PIAS3: variants seen among roughly 807,000 people sequenced by gnomAD.
PIAS3 encodes the protein E3 SUMO-protein ligase PIAS3.
In PIAS3, 34 loss-of-function variants were observed where a neutral mutation model predicts 67.6. The observed-to-expected ratio is 0.50, with a 90% confidence interval of 0.38 to 0.67. PIAS3 has a LOEUF of 0.67. Ranked by LOEUF, PIAS3 falls within the 30% of genes least tolerant of loss-of-function variation. PIAS3 has a pLI of 0.00. For missense variants in PIAS3, 693 were observed against 791.6 expected, an observed-to-expected ratio of 0.88 and a Z score of 1.49; for synonymous variants, 341 against 313.8, an observed-to-expected ratio of 1.09 and a Z score of -0.92.
intron 9 of PIAS3, 148 bp downstream of exon 9, chr1:145,853,356 G>A: frequency 1.8e-6 from 1 of 566,704 alleles, no homozygotes; most frequent in Non-Finnish European, 2.9e-6. Flanking sequence ...GTTGCAGTGA[G>A]CCAAGATTGT....
intron 8 of PIAS3, 43 bp downstream of exon 8, chr1:145,853,770 C>A: frequency 6.2e-7 from 1 of 1,609,584 alleles, no homozygotes; most frequent in South Asian, 1.1e-5. Context: ...CAGGCTAAAC[C>A]CAACTCCCTT....
chr1:145,853,973 G>T, intron 7 of PIAS3, 87 bp from the exon 8 acceptor site: 9 of 1,146,668 alleles, frequency 7.8e-6, no homozygotes, highest in Admixed American at 1.8e-5. Flanking sequence ...GATGGCTCTG[G>T]CTGAGAGGCT....
At chr1:145,854,062 G>A (rs921600615) in intron 7 of PIAS3, 176 bp from the exon 8 acceptor site, 1 of 612,246 alleles carries the variant, frequency 1.6e-6, no homozygotes, top group Non-Finnish European at 2.9e-6. Context: ...GGCTGGGTGT[G>A]GGGGATTTTC....
chr1:145,849,790 G>A (rs782792478), intron 13 of PIAS3, 78 bp from the exon 14 acceptor site: 49 of 1,504,510 alleles, frequency 3.3e-5, no homozygotes, highest in Admixed American at 3.0e-4. Flanking sequence ...CAGAAATGCC[G>A]TATGAGAGCA....
chr1:145,852,346 CA>C (rs1309901273), intron 9 of PIAS3, among the ~76,000 whole-genome samples: 3 of 152,136 alleles, frequency 2.0e-5, no homozygotes, highest in African/African-American at 7.2e-5. Flanking sequence ...CTAGCAAGAT[CA>C]AAAGATTAGA....
intron 1 of PIAS3, chr1:145,857,214 A>G: frequency 1.7e-6 from 1 of 585,586 alleles, no homozygotes. Context: ...GGTCAGCATC[A>G]TCACCACCAC....
intron 7 of PIAS3, 102 bp downstream of exon 7, chr1:145,854,356 G>A: frequency 3.8e-6 from 3 of 782,314 alleles, no homozygotes; most frequent in Non-Finnish European, 6.6e-6. Flanking sequence ...GAGAAGGGGA[G>A]TAAGTTGTCA....
At position 145,851,145 on chromosome 1, in the gene PIAS3, A is replaced by G; in HGVS notation, c.1154T>C (p.Met385Thr). 6.2e-7 allele frequency: 1 copy of G among 1,612,640 alleles called. No homozygotes were observed. Among genetic ancestry groups the G allele is most frequent in the Non-Finnish European group, 8.5e-7 (1 of 1,178,656 alleles). ...YESLIIDGLF[M>T]EILSSCSDCD... Reference sequence around the variant, plus strand: ...ATCTGAACAGGAACTAAGAATCTCCATAAATAAACTGGGGGAAGAGAGAGA... The same window carrying G: ...ATCTGAACAGGAACTAAGAATCTCCGTAAATAAACTGGGGGAAGAGAGAGA... Residue 385 changes from methionine (M) to threonine (T), a missense_variant, in exon 10 of 14, where the codon ATG becomes ACG. Physicochemically the swap from Met to Thr is moderately conservative, Grantham distance 81. Coordinates refer to ENST00000393045, the MANE Select transcript of PIAS3 (RefSeq NM_006099.3).
chr1:145,850,757 C>G lies in PIAS3; in HGVS notation c.1448+14G>C. On this transcript the variant is annotated intron_variant, in intron 11 of 13. Coordinates refer to ENST00000393045, the MANE Select transcript of PIAS3 (RefSeq NM_006099.3). ...CTGTCCGTTTTGCTGTAGACTCAGC[C>G]TATTTTCTCATACCCTTTGCTTCCA... 6.2e-7 allele frequency: 1 copy of G among 1,613,796 alleles called. No homozygotes were observed. The highest frequency in any genetic ancestry group is 8.5e-7 in the Non-Finnish European group (1 of 1,179,796).
intron 12 of PIAS3, 42 bp from the exon 13 acceptor site, chr1:145,850,311 C>G (rs782111251): frequency 1.9e-6 from 3 of 1,613,922 alleles, no homozygotes; most frequent in African/African-American, 1.3e-5. Context: ...CCTATCTGAC[C>G]CCTTTACCAC....
chr1:145,855,620 A>G, intron 5 of PIAS3, 116 bp downstream of exon 5: 1 of 680,966 alleles, frequency 1.5e-6, no homozygotes. Flanking sequence ...TAAACTGAGC[A>G]CCTACTATGT....
chr1:145,855,607 C>A, intron 5 of PIAS3, 129 bp downstream of exon 5: 1 of 666,652 alleles, frequency 1.5e-6, no homozygotes, highest in South Asian at 1.8e-5. Flanking sequence ...TTGATTCAGT[C>A]AGTAAACTGA....
Position 145,858,962 on chromosome 1 carries a change from G to A in PIAS3, c.24+5C>T, listed in dbSNP as rs1386492438. ...CAGATGGGGATGGGGGGAGGGGGCCGGTACCTTTAATTCGCCCAGCTCCGC... is the reference window on the plus strand; with the variant it reads ...CAGATGGGGATGGGGGGAGGGGGCCAGTACCTTTAATTCGCCCAGCTCCGC... On this transcript the variant is annotated splice_donor_5th_base_variant and intron_variant, in intron 1 of 13. Coordinates refer to ENST00000393045, the MANE Select transcript of PIAS3 (RefSeq NM_006099.3). The A allele has an allele frequency of 3.3e-6, 5 of 1,535,992 alleles. No homozygotes were observed. In the East Asian group the frequency reaches 7.8e-5, roughly 24 times the overall value.
intron 7 of PIAS3, 31 bp from the exon 8 acceptor site, chr1:145,853,917 G>T: frequency 6.2e-7 from 1 of 1,602,086 alleles, no homozygotes; most frequent in Non-Finnish European, 8.5e-7. Flanking sequence ...GAGCCATGGG[G>T]TCAGCAAGGC....
At chr1:145,854,967 T>C in intron 5 of PIAS3, 87 bp from the exon 6 acceptor site, 3 of 1,520,800 alleles carry the variant, frequency 2.0e-6, no homozygotes, top group Non-Finnish European at 2.7e-6. Context: ...TCTCGGGTTA[T>C]TCAATCCCTG....
rs1652877740 is a variant in PIAS3, at chr1:145,849,704, G to C, written c.1629C>G (p.Gly543=). 4 of 1,599,850 alleles carry C rather than the reference G, an allele frequency of 2.5e-6. No individual in the cohort carries two copies. In the South Asian group the frequency reaches 3.4e-5, roughly 13 times the overall value. The change falls in exon 14 of 14, where the codon GGC becomes GGG. Residue 543 remains glycine, a synonymous_variant. Transcript: ENST00000393045. ...CATCTAGTGAGGTGATGACAGAGGG[G>C]CCATAGTGCTAGGAAGAATCAAGGG... The part of the protein sequence containing the change: ...SFLQTESQHY[G]PSVITSLDEQ...
Position 145,856,802 on chromosome 1 carries a change from G to A in PIAS3, c.229C>T (p.Leu77Phe), listed in dbSNP as rs1486040471. The change falls in exon 2 of 14, where the codon CTT becomes TTT. Residue 77 changes from leucine (L) to phenylalanine (F), a missense_variant. Around this residue, in one of 3 missense-constraint regions of PIAS3, gnomAD observed 308 missense variants for 348.8 expected, o/e 0.88. Transcript: ENST00000393045. ...GAGGTGCCAGGGGGCAAAGAGAGAA[G>A]GGAGAGATCAGAGGGCCCCAGGGTC... Reference protein sequence around the residue: ...RKTLGPSDLSLLSLPPGTSPV... With the variant: ...RKTLGPSDLSFLSLPPGTSPV... The A allele has an allele frequency of 1.2e-6, 2 of 1,614,034 alleles. No homozygotes were observed. Among genetic ancestry groups the A allele is most frequent in the Non-Finnish European group, 8.5e-7 (1 of 1,180,012 alleles).
In PIAS3 at chr1:145,848,696, G is replaced by T; in HGVS notation, c.*750C>A. On this transcript the variant is annotated 3_prime_UTR_variant, in exon 14 of 14. Coordinates refer to ENST00000393045, the MANE Select transcript of PIAS3 (RefSeq NM_006099.3). ...GCAGAATGAGCCAGGCCTAACTACA[G>T]GGCCATGAGCCTCTAGAAGCTTAGG... The T allele has an allele frequency of 3.8e-6, 2 of 530,558 alleles. No homozygotes were observed. Among genetic ancestry groups the T allele is most frequent in the South Asian group, 5.0e-5 (2 of 40,266 alleles). 32.9% of individuals were successfully genotyped at this position (530,558 alleles called of 1,614,324 possible). A position where few individuals can be genotyped will look rare whatever the true frequency, so the allele number is the denominator to read the frequency against.
intron 7 of PIAS3, 100 bp downstream of exon 7, chr1:145,854,358 A>T: frequency 1.3e-6 from 1 of 787,074 alleles, no homozygotes; most frequent in Non-Finnish European, 2.2e-6. Context: ...GAAGGGGAGT[A>T]AGTTGTCAAA....
Sources: allele counts gnomAD v4.1 joint callset (sites outside exome capture counted in the v4.1 genomes callset), GRCh38; gene constraint gnomAD v4.1.1; regional missense constraint gnomAD v4.1.1; transcripts MANE v1.5; gene names NCBI Gene and HGNC (gene_info 2026-07-23, HGNC 2026-07-21).